AKAP6: variants seen among roughly 807,000 people sequenced by gnomAD.
AKAP6 encodes A-kinase anchoring protein 6.
A neutral mutation model predicts 188.5 loss-of-function variants in AKAP6; 58 were observed. The observed-to-expected ratio is 0.31, with a 90% CI of 0.25 to 0.38. The LOEUF (loss-of-function observed/expected upper bound fraction) is 0.38, where lower values mean the gene tolerates loss of function less well. AKAP6 is among the 10% of genes least tolerant of loss of function. AKAP6 has a pLI of 1.00. For missense variants in AKAP6, 2,710 were observed against 2,740.0 expected, an observed-to-expected ratio of 0.99 and a Z score of 0.24; for synonymous variants, 989 against 998.6, an observed-to-expected ratio of 0.99 and a Z score of 0.18.
chr14:32,452,011 ATTTTTTTTTT>A (rs61035125), intron 2 of AKAP6, among the ~76,000 whole-genome samples: 23 of 66,204 alleles, frequency 3.5e-4, no homozygotes, highest in Admixed American at 1.2e-3. Flanking sequence ...TTTTCTTTAC[ATTTTTTTTTT>A]TTTTTTTTTT....
intron 4 of AKAP6, among the ~76,000 whole-genome samples, chr14:32,575,221 C>A (rs1884663599): frequency 6.6e-6 from 1 of 152,026 alleles, no homozygotes; most frequent in Non-Finnish European, 1.5e-5. Context: ...AAAGAACAGA[C>A]AAACTGATAC....
Position 32,453,599 on chromosome 14 carries a change from T to C in AKAP6, c.324+19782T>C, listed in dbSNP as rs1390179264. 4.3e-3 allele frequency among the ~76,000 whole-genome samples: 135 copies of C among 31,096 alleles called. 2 individuals carry two copies. The highest frequency in any genetic ancestry group is 0.017 in the African/African-American group (86 of 5,014). The allele number at this position is 31,096 out of a possible 152,430, so 20.4% of individuals were successfully genotyped here. On this transcript the variant is annotated intron_variant, in intron 2 of 13. Transcript: ENST00000280979. ...TCTTTTTTTTTTTTTTTTTTTTTTT[T>C]TTTTTTTTTTTTTTTGAGACGGAGT...
At chr14:32,787,398 G>A (rs971059009) in intron 12 of AKAP6, among the ~76,000 whole-genome samples, 1 of 152,030 alleles carries the variant, frequency 6.6e-6, no homozygotes, top group South Asian at 2.1e-4. Context: ...GGTGTACCTC[G>A]CCATTGTAAC....
In AKAP6 at chr14:32,807,846, A is replaced by G. The variant is rs1208428533; in HGVS notation, c.3589-13556A>G. ...AAATTTTAAAGATCATTCCTTAACT[A>G]TTAAACTTTAGTGATACATAACTAG... is the stretch of plus-strand genomic sequence containing the variant. On this transcript the variant is annotated intron_variant, in intron 12 of 13. Transcript: ENST00000280979. 3.3e-5 allele frequency among the ~76,000 whole-genome samples: 5 copies of G among 152,230 alleles called. No homozygotes were observed. In the South Asian group the frequency reaches 8.3e-4, roughly 25 times the overall value.
intron 9 of AKAP6, among the ~76,000 whole-genome samples, chr14:32,706,630 A>T (rs1424844979): frequency 6.6e-6 from 1 of 152,110 alleles, no homozygotes; most frequent in Non-Finnish European, 1.5e-5. Flanking sequence ...CAGTTCTCAG[A>T]AACAAGAGCC....
intron 12 of AKAP6, among the ~76,000 whole-genome samples, chr14:32,778,513 T>C (rs1329594399): frequency 6.6e-6 from 1 of 151,972 alleles, no homozygotes; most frequent in Non-Finnish European, 1.5e-5. Context: ...ATTAGACATG[T>C]GATAAGATAA....
At position 32,510,414 on chromosome 14, in the gene AKAP6, G is replaced by GTATATATATGTGTA. The variant is rs1555335138; in HGVS notation, c.325-25131_325-25130insGTGTATATATATAT. Among the ~76,000 whole-genome samples the GTATATATATGTGTA allele has an allele frequency of 2.4e-4, 27 of 112,320 alleles. 1 individual carries two copies. The highest frequency in any genetic ancestry group is 1.0e-3 in the African/African-American group (26 of 25,980). 73.7% of individuals were successfully genotyped at this position (112,320 alleles called of 152,430 possible). ...TATGTGTATATATATGTATATATAT[G>GTATATATATGTGTA]TATATATATACATATATATATGTGT... On this transcript the variant is annotated intron_variant, in intron 2 of 13. Transcript: ENST00000280979.
intron 2 of AKAP6, among the ~76,000 whole-genome samples, chr14:32,488,142 C>T (rs553085255): frequency 6.6e-6 from 1 of 152,346 alleles, no homozygotes; most frequent in African/African-American, 2.4e-5. Context: ...ACCCCTTCCC[C>T]CAGGTGCTCT....
intron 9 of AKAP6, among the ~76,000 whole-genome samples, chr14:32,721,108 A>G (rs897334089): frequency 1.3e-5 from 2 of 152,212 alleles, no homozygotes; most frequent in Non-Finnish European, 2.9e-5. Context: ...CAGACATGAC[A>G]TTACAACAGC....
intron 12 of AKAP6, among the ~76,000 whole-genome samples, chr14:32,792,435 A>G (rs1466020766): frequency 6.6e-6 from 1 of 152,172 alleles, no homozygotes; most frequent in Non-Finnish European, 1.5e-5. Flanking sequence ...GTATTGGTGT[A>G]TAGGAATGCT....
intron 2 of AKAP6, among the ~76,000 whole-genome samples, chr14:32,470,773 G>A (rs575319479): frequency 6.6e-6 from 1 of 152,294 alleles, no homozygotes; most frequent in East Asian, 1.9e-4. Context: ...AAAATTTAAA[G>A]CTTGATTTTT....
At chr14:32,717,652 A>C (rs1477982409) in intron 9 of AKAP6, among the ~76,000 whole-genome samples, 1 of 151,374 alleles carries the variant, frequency 6.6e-6, no homozygotes, top group Admixed American at 6.6e-5. Context: ...TTTCTCTTCG[A>C]TGTAAGAGAA....
chr14:32,801,969 G>T (rs1006351258), intron 12 of AKAP6, among the ~76,000 whole-genome samples: 1 of 151,992 alleles, frequency 6.6e-6, no homozygotes, highest in Non-Finnish European at 1.5e-5. Context: ...TGTATGATTT[G>T]CCTAAGCATA....
chr14:32,679,975 A>G (rs1889604282), intron 8 of AKAP6, among the ~76,000 whole-genome samples: 1 of 152,192 alleles, frequency 6.6e-6, no homozygotes, highest in South Asian at 2.1e-4. Flanking sequence ...TGTACATGCA[A>G]GCACAAACTT....
Position 32,545,585 on chromosome 14 carries a change from A to C in AKAP6, c.932A>C (p.Asn311Thr). Residue 311 changes from asparagine to threonine, a missense_variant, in exon 4 of 14, where the codon AAT (asparagine) becomes ACT (threonine). This residue lies in a region of AKAP6 where 2,473 missense variants were observed against 2,426.1 expected (regional missense o/e 1.02). Transcript: ENST00000280979. ...VDDKGGCEED[N>T]ASAVEEQPGL... ...GACAAAGGTGGATGTGAGGAAGACAATGCTTCTGCAGTCGAAGAGCAACCA... is the reference window on the plus strand; with the variant it reads ...GACAAAGGTGGATGTGAGGAAGACACTGCTTCTGCAGTCGAAGAGCAACCA... 1 of 1,614,180 alleles carries C rather than the reference A, an allele frequency of 6.2e-7. No homozygotes were observed.
chr14:32,821,682 G>C lies in AKAP6; in HGVS notation c.3869G>C (p.Ser1290Thr), dbSNP rs755618807. ...AGTCCACACATTTACCAGGTGTACA[G>C]CCTCCACAATGTTGAACTCTATGAG... is the stretch of plus-strand genomic sequence containing the variant. ...PSSPHIYQVY[S>T]LHNVELYEDN... is the part of the protein sequence containing the mutation. The change falls in exon 13 of 14, where the codon AGC (serine) becomes ACC (threonine). Residue 1290 changes from serine to threonine, a missense_variant. Ser to Thr is a moderately conservative substitution (Grantham distance 58). Transcript: ENST00000280979. 3.1e-6 allele frequency: 5 copies of C among 1,613,724 alleles called. No homozygotes were observed. The highest frequency in any genetic ancestry group is 4.2e-6 in the Non-Finnish European group (5 of 1,179,902).
chr14:32,449,096 T>G (rs1038376321), intron 2 of AKAP6, among the ~76,000 whole-genome samples: 7 of 152,190 alleles, frequency 4.6e-5, no homozygotes, highest in African/African-American at 1.4e-4. Flanking sequence ...AACTCTCCAG[T>G]CTGCTCTACA....
intron 2 of AKAP6, among the ~76,000 whole-genome samples, chr14:32,530,222 C>T (rs1056101726): frequency 6.6e-6 from 1 of 151,926 alleles, no homozygotes; most frequent in Admixed American, 6.6e-5. Context: ...GTGATGGGGT[C>T]TCCTGTGTTG....
chr14:32,775,007 T>C (rs901392697), intron 12 of AKAP6, among the ~76,000 whole-genome samples: 36 of 152,204 alleles, frequency 2.4e-4, no homozygotes, highest in African/African-American at 8.0e-4. Flanking sequence ...GTAGATATAT[T>C]GAGTCTAGGG....
Sources: allele counts gnomAD v4.1 joint callset (sites outside exome capture counted in the v4.1 genomes callset), GRCh38; gene constraint gnomAD v4.1.1; regional missense constraint gnomAD v4.1.1; transcripts MANE v1.5; gene names NCBI Gene and HGNC (gene_info 2026-07-23, HGNC 2026-07-21).